The following ZFP2 variants were observed in gnomAD, a reference collection of about 807,000 sequenced individuals.
ZFP2 encodes the protein zinc finger protein ZFP2.
A neutral mutation model predicts 36.1 loss-of-function variants in ZFP2; 33 were observed. The ratio of observed to expected loss-of-function variants is 0.92; its 90% CI spans 0.69 to 1.22. The LOEUF is 1.22. ZFP2 is among the 50% of genes most tolerant of loss of function. ZFP2 has a pLI of 0.00. For synonymous variants in ZFP2, 170 were observed against 178.0 expected, an observed-to-expected ratio of 0.96 and a Z score of 0.36; for missense variants, 522 against 551.4, an observed-to-expected ratio of 0.95 and a Z score of 0.53.
chr5:178,901,143 G>A (rs995471904), intron 1 of ZFP2, among the ~76,000 whole-genome samples: 1 of 149,270 alleles, frequency 6.7e-6, no homozygotes, highest in Non-Finnish European at 1.5e-5. Context: ...TCATGTATGA[G>A]TCTTTTTGTG....
chr5:178,905,066 C>A (rs139633584), intron 1 of ZFP2, among the ~76,000 whole-genome samples: 62 of 152,128 alleles, frequency 4.1e-4, no homozygotes, highest in African/African-American at 1.3e-3. Flanking sequence ...TTACTGTTCT[C>A]GTATATTTAT....
chr5:178,918,103 G>T lies in ZFP2; in HGVS notation c.-78+1393G>T, dbSNP rs6881871. On this transcript the variant is annotated intron_variant, in intron 4 of 4. Transcript: ENST00000361362. The stretch of plus-strand genomic sequence containing the variant: ...ATTTAAATGCTTTTATTGTTTTTCT[G>T]TAAGGTATACCACTTACTTATTGTC... Among the ~76,000 whole-genome samples, 838 of 152,212 alleles carry T rather than the reference G, an allele frequency of 5.5e-3. 7 individuals carry two copies. Among genetic ancestry groups the T allele is most frequent in the African/African-American group, 0.019 (799 of 41,518 alleles).
intron 1 of ZFP2, among the ~76,000 whole-genome samples, chr5:178,905,836 C>T (rs886378199): frequency 5.9e-5 from 9 of 152,024 alleles, no homozygotes; most frequent in Admixed American, 5.9e-4. Flanking sequence ...ACTGCAACCT[C>T]TGCCTCCTGA....
At chr5:178,920,530 A>G (rs2113104277) in intron 4 of ZFP2, among the ~76,000 whole-genome samples, 1 of 152,072 alleles carries the variant, frequency 6.6e-6, no homozygotes, top group Non-Finnish European at 1.5e-5. Context: ...CCAGCTACTC[A>G]GGAGGCTGAG....
chr5:178,903,797 G>C (rs751075539), intron 1 of ZFP2, among the ~76,000 whole-genome samples: 3 of 152,008 alleles, frequency 2.0e-5, no homozygotes, highest in Non-Finnish European at 4.4e-5. Flanking sequence ...GTGAAACTCC[G>C]TCTCTACTAA....
At chr5:178,904,722 A>C (rs1758132651) in intron 1 of ZFP2, among the ~76,000 whole-genome samples, 1 of 98,734 alleles carries the variant, frequency 1.0e-5, no homozygotes, top group Non-Finnish European at 1.9e-5. Context: ...TTTTTTTGAG[A>C]GACAGAGTCT....
intron 2 of ZFP2, 62 bp downstream of exon 2, chr5:178,912,781 A>G: frequency 9.7e-7 from 1 of 1,029,038 alleles, no homozygotes; most frequent in Non-Finnish European, 1.2e-6. Flanking sequence ...ATCATAAGGC[A>G]TTGTTTTAGG....
rs1164263942 is a variant in ZFP2, at chr5:178,931,531, C to T, written c.218C>T (p.Pro73Leu). The T allele has an allele frequency of 6.2e-7, 1 of 1,614,050 alleles. No homozygotes were observed. The change falls in exon 5 of 5, where the codon CCC becomes CTC. Residue 73 changes from proline to leucine, a missense_variant. Coordinates refer to ENST00000361362, the MANE Select transcript of ZFP2 (RefSeq NM_030613.4). Reference sequence around the variant, plus strand: ...CAAAGCATTCCTATGGTAAAAAGGCCCCATAACTGTAATTCACATGGAGAA... The same window carrying T: ...CAAAGCATTCCTATGGTAAAAAGGCTCCATAACTGTAATTCACATGGAGAA... ...TQQSIPMVKR[P>L]HNCNSHGEDA...
chr5:178,930,569 C>T (rs1334395240), intron 4 of ZFP2, among the ~76,000 whole-genome samples: 1 of 152,098 alleles, frequency 6.6e-6, no homozygotes, highest in East Asian at 1.9e-4. Context: ...GATCCGCCTG[C>T]CTTGGCCTCT....
intron 3 of ZFP2, 73 bp from the exon 4 acceptor site, chr5:178,916,492 A>T: frequency 1.1e-6 from 1 of 948,316 alleles, no homozygotes; most frequent in Non-Finnish European, 1.3e-6. Flanking sequence ...GAAACTAAAG[A>T]TAGGCGAAAG....
chr5:178,911,052 A>T (rs1758288200), intron 1 of ZFP2, among the ~76,000 whole-genome samples: 1 of 152,018 alleles, frequency 6.6e-6, no homozygotes, highest in South Asian at 2.1e-4. Flanking sequence ...ACATCTGATG[A>T]TTTTCTTAGT....
chr5:178,898,860 TGGTGCTGTTCAA>T (rs1241909297), intron 1 of ZFP2, among the ~76,000 whole-genome samples: 1 of 152,236 alleles, frequency 6.6e-6, no homozygotes, highest in Non-Finnish European at 1.5e-5. Flanking sequence ...GCTGTGTTCT[TGGTGCTGTTCAA>T]GGGTCAGAAA....
At chr5:178,908,318 T>G (rs1290890603) in intron 1 of ZFP2, among the ~76,000 whole-genome samples, 1 of 151,730 alleles carries the variant, frequency 6.6e-6, no homozygotes, top group Non-Finnish European at 1.5e-5. Context: ...GTGGTGGTGG[T>G]TGCCTGTAGT....
chr5:178,900,071 G>A (rs1758023965), intron 1 of ZFP2, among the ~76,000 whole-genome samples: 1 of 152,180 alleles, frequency 6.6e-6, no homozygotes, highest in Non-Finnish European at 1.5e-5. Context: ...ATGTTGAAAG[G>A]GGAAGCATTA....
intron 1 of ZFP2, among the ~76,000 whole-genome samples, chr5:178,903,723 A>G (rs1311016095): frequency 6.6e-6 from 1 of 152,194 alleles, no homozygotes; most frequent in African/African-American, 2.4e-5. Context: ...TAATCCCAAC[A>G]CTTTGGGAGG....
At chr5:178,902,256 A>G (rs1358654837) in intron 1 of ZFP2, among the ~76,000 whole-genome samples, 1 of 152,230 alleles carries the variant, frequency 6.6e-6, no homozygotes, top group East Asian at 1.9e-4. Flanking sequence ...TTGAGAATAA[A>G]TTACAGACAT....
intron 1 of ZFP2, among the ~76,000 whole-genome samples, chr5:178,904,266 G>A (rs1758121116): frequency 1.3e-5 from 2 of 152,120 alleles, no homozygotes; most frequent in Non-Finnish European, 1.5e-5. Context: ...AGTAAGAGAG[G>A]CAAGATCTCC....
At chr5:178,907,315 A>C (rs568246449) in intron 1 of ZFP2, among the ~76,000 whole-genome samples, 2 of 151,942 alleles carry the variant, frequency 1.3e-5, no homozygotes, top group East Asian at 3.9e-4. Context: ...AGATACATAT[A>C]TGTGTACACA....
At chr5:178,910,273 T>G (rs1444648979) in intron 1 of ZFP2, 40 of 1,428,416 alleles carry the variant, frequency 2.8e-5, no homozygotes, top group Non-Finnish European at 3.9e-5. Context: ...CATAGGTCAT[T>G]GCAAAAGTGC....
Sources: gnomAD v4.1 joint callset for allele counts (sites outside exome capture counted in the v4.1 genomes callset) on GRCh38, gnomAD v4.1.1 for gene constraint, MANE v1.5 for transcripts, NCBI Gene and HGNC (gene_info 2026-07-23, HGNC 2026-07-21) for gene names.